The following CENPE variants were observed in gnomAD, a reference collection of about 807,000 sequenced individuals.
CENPE encodes the protein centromere-associated protein E.
A neutral mutation model predicts 336.1 loss-of-function variants in CENPE; 145 were observed. That is an observed-to-expected ratio of 0.43 (90% CI 0.38 to 0.50). CENPE has a LOEUF of 0.50. CENPE is among the 20% of genes least tolerant of loss of function. The probability of loss-of-function intolerance (pLI) is 0.00; values close to 1 mark genes in which losing one functional copy is unlikely to be tolerated. For missense variants in CENPE, 2,719 were observed against 3,023.3 expected, an observed-to-expected ratio of 0.90 and a Z score of 2.36; for synonymous variants, 1,013 against 984.8, an observed-to-expected ratio of 1.03 and a Z score of -0.54.
At position 103,109,015 on chromosome 4, in the gene CENPE, A is replaced by C; in HGVS notation, c.7799T>G (p.Val2600Gly). Residue 2600 changes from valine (V) to glycine (G), a missense_variant, in exon 48 of 49, where the codon GTA (valine) becomes GGA (glycine). Val to Gly is a moderately radical substitution (Grantham distance 109, BLOSUM62 -3). Coordinates refer to ENST00000265148, the MANE Select transcript of CENPE (RefSeq NM_001813.3). ...RTLKREAHKQVTCENSPKSPK... is the reference protein window; with the variant it reads ...RTLKREAHKQGTCENSPKSPK... ...AGACTTTGGAGAATTCTCACAAGTTACTTGTTTGTGAGCCTCTCTTTTAAG... is the reference window on the plus strand; with the variant it reads ...AGACTTTGGAGAATTCTCACAAGTTCCTTGTTTGTGAGCCTCTCTTTTAAG... The C allele has an allele frequency of 1.2e-6, 2 of 1,613,768 alleles. No homozygotes were observed. The highest frequency in any genetic ancestry group is 1.7e-6 in the Non-Finnish European group (2 of 1,179,746).
chr4:103,158,918 T>C (rs764993065), intron 22 of CENPE, 32 bp from the exon 23 acceptor site: 2 of 1,576,954 alleles, frequency 1.3e-6, no homozygotes, highest in South Asian at 1.2e-5. Context: ...TGTCACACAG[T>C]AAAAGCAGAG....
chr4:103,119,047 C>T (rs1470688541), intron 44 of CENPE, among the ~76,000 whole-genome samples: 1 of 152,118 alleles, frequency 6.6e-6, no homozygotes, highest in South Asian at 2.1e-4. Context: ...CATTCCTCAA[C>T]TCCTGTATAT....
rs1288704631 is a variant in CENPE, at chr4:103,110,961, C to T, written c.7591G>A (p.Gly2531Arg). The T allele has an allele frequency of 1.2e-6, 2 of 1,612,014 alleles. No individual in the cohort carries two copies. Among genetic ancestry groups the T allele is most frequent in the Non-Finnish European group, 1.7e-6 (2 of 1,178,944 alleles). Residue 2531 changes from glycine (G) to arginine (R), a missense_variant, in exon 47 of 49, where the codon GGA becomes AGA. Around this residue, in one of 5 missense-constraint regions of CENPE, gnomAD observed 2,437 missense variants for 2,513.3 expected, o/e 0.97. Transcript: ENST00000265148. ...TTTTGTACAATGCCGCTGCCACCTC[C>T]ACAAGTTAAGGGTTTATTTGAAGGC... Reference protein sequence around the residue: ...PQPSNKPLTCGGGSGIVQNTK... With the variant: ...PQPSNKPLTCRGGSGIVQNTK...
chr4:103,194,144 GTTC>G, intron 8 of CENPE, 82 bp downstream of exon 8: 1 of 992,970 alleles, frequency 1.0e-6, no homozygotes, highest in Non-Finnish European at 1.6e-6. Flanking sequence ...TTAGTTAACA[GTTC>G]TTATTAAACC....
chr4:103,178,561 A>G (rs559744006), intron 13 of CENPE, among the ~76,000 whole-genome samples: 1 of 152,284 alleles, frequency 6.6e-6, no homozygotes, highest in African/African-American at 2.4e-5. Context: ...TATATTCAAG[A>G]TTCCATCCAT....
In CENPE at chr4:103,132,821, T is replaced by C. The variant is rs369699262; in HGVS notation, c.6796A>G (p.Lys2266Glu). ...TCTTCCAAAAACTGTGTCATTTCTTTCCTATTACTTAGTACTTGTTGAAAT... is the reference window on the plus strand; with the variant it reads ...TCTTCCAAAAACTGTGTCATTTCTTCCCTATTACTTAGTACTTGTTGAAAT... The part of the protein sequence containing the change: ...TEFQQVLSNR[K>E]EMTQFLEEWL... Residue 2266 changes from lysine to glutamate, a missense_variant, in exon 42 of 49, where the codon AAA becomes GAA. Physicochemically the swap from Lys to Glu is moderately conservative, Grantham distance 56 (BLOSUM62 1). Coordinates refer to ENST00000265148, the MANE Select transcript of CENPE (RefSeq NM_001813.3). 2 of 1,586,334 alleles carry C rather than the reference T, an allele frequency of 1.3e-6. No individual in the cohort carries two copies. The highest frequency in any genetic ancestry group is 1.3e-5 in the African/African-American group (1 of 74,124).
Position 103,161,198 on chromosome 4 carries a change from T to C in CENPE, c.2019A>G (p.Gln673=). 6.2e-7 allele frequency: 1 copy of C among 1,611,336 alleles called. No individual in the cohort carries two copies. The highest frequency in any genetic ancestry group is 8.5e-7 in the Non-Finnish European group (1 of 1,178,984). ...TTTTCTTTTTTGCCTCCAACTGGCT[T>C]TGATATAACTGAATATCATTTTCCA... ...KQMENDIQLY[Q]SQLEAKKKMQ... Residue 673 remains glutamine (Q), a synonymous_variant, in exon 20 of 49, where the codon CAA becomes CAG. Coordinates refer to ENST00000265148, the MANE Select transcript of CENPE (RefSeq NM_001813.3).
intron 12 of CENPE, among the ~76,000 whole-genome samples, chr4:103,180,811 A>G (rs777024349): frequency 1.3e-5 from 2 of 152,200 alleles, no homozygotes; most frequent in Non-Finnish European, 2.9e-5. Context: ...AAAGATAGAG[A>G]TGTTCTCATA....
Position 103,106,043 on chromosome 4 carries a change from C to A in CENPE, c.*179G>T. 2.5e-6 allele frequency: 1 copy of A among 394,308 alleles called. No individual in the cohort carries two copies. The highest frequency in any genetic ancestry group is 4.5e-6 in the Non-Finnish European group (1 of 221,704). 24.4% of individuals were successfully genotyped at this position (394,308 alleles called of 1,614,324 possible). On this transcript the variant is annotated 3_prime_UTR_variant, in exon 49 of 49. Transcript: ENST00000265148. ...TGCAAGAAGAAGGTATTGCTATCAC[C>A]ATTCTAAATTACCACAATGCATTCA...
At position 103,140,907 on chromosome 4, in the gene CENPE, T is replaced by C. The variant is rs1275164809; in HGVS notation, c.5661A>G (p.Val1887=). 3 of 1,612,496 alleles carry C rather than the reference T, an allele frequency of 1.9e-6. No homozygotes were observed. The highest frequency in any genetic ancestry group is 3.3e-5 in the Admixed American group (2 of 59,956). The change falls in exon 36 of 49, where the codon GTA becomes GTG. Residue 1887 remains valine, a synonymous_variant. Transcript: ENST00000265148. The part of the protein sequence containing the change: ...LHENLEEMKS[V]MKERDNLRRV... ...TTCTTAGATTATCTCTTTCTTTCAT[T>C]ACAGATTTCATTTCTTCAAGGTTTT...
In CENPE at chr4:103,116,251, T is replaced by TACACACACACACACACACAC. The variant is rs58894383; in HGVS notation, c.7442+306_7442+325dup. On this transcript the variant is annotated intron_variant, in intron 45 of 48. Transcript: ENST00000265148. ...CAGAAGCCTTAGTAAAACTGCTAAA[T>TACACACACACACACACACAC]ACACACACACACACACACACACACA... 307 of 150,022 alleles carry TACACACACACACACACACAC rather than the reference T, an allele frequency of 2.0e-3. 1 individual carries two copies. Among genetic ancestry groups the TACACACACACACACACACAC allele is most frequent in the Non-Finnish European group, 3.4e-3 (230 of 68,094 alleles). The allele number at this position is 150,022 out of a possible 1,614,324, so 9.3% of individuals were successfully genotyped here. A position where few individuals can be genotyped will look rare whatever the true frequency, so the allele number is the denominator to read the frequency against.
chr4:103,137,065 T>C (rs900263637), intron 39 of CENPE, among the ~76,000 whole-genome samples: 12 of 152,314 alleles, frequency 7.9e-5, no homozygotes, highest in African/African-American at 2.9e-4. Context: ...GACAAAATTA[T>C]GTTTATAAAC....
rs200858646 is a variant in CENPE, at chr4:103,185,868, G to C, written c.694-7C>G. On this transcript the variant is annotated splice_polypyrimidine_tract_variant and splice_region_variant and intron_variant, in intron 8 of 48. Coordinates refer to ENST00000265148, the MANE Select transcript of CENPE (RefSeq NM_001813.3). ...CTGCAAGATCAACCAAATTCTGTAA[G>C]ATAGATAAAAATAAATCCTTAGGGC... The C allele has an allele frequency of 5.6e-6, 9 of 1,598,136 alleles. No homozygotes were observed. Among genetic ancestry groups the C allele is most frequent in the Non-Finnish European group, 7.7e-6 (9 of 1,169,104 alleles).
At chr4:103,185,739 C>A in intron 9 of CENPE, 71 bp downstream of exon 9, 2 of 879,648 alleles carry the variant, frequency 2.3e-6, no homozygotes, top group South Asian at 2.0e-5. Context: ...TCTAAAAATG[C>A]CTGGTAGTAC....
In CENPE at chr4:103,187,412, C is replaced by T. The variant is rs554799939; in HGVS notation, c.694-1551G>A. ...GCAGCCAGAGAGAAAGGTCAGGCTA[C>T]CCACAAAGGGAAGCCCATCAGACTA... On this transcript the variant is annotated intron_variant, in intron 8 of 48. Transcript: ENST00000265148. Among the ~76,000 whole-genome samples the T allele has an allele frequency of 1.2e-4, 19 of 152,296 alleles. No individual in the cohort carries two copies. In the South Asian group the frequency reaches 3.1e-3, roughly 25 times the overall value.
Position 103,132,783 on chromosome 4 carries a change from A to G in CENPE, c.6834T>C (p.Thr2278=), listed in dbSNP as rs1315343979. ...TTTTAAGCTTTTCTATATCAAAACG[A>G]GTATTTAACCACTCTTCCAAAAACT... ...MTQFLEEWLN[T]RFDIEKLKNG... The change falls in exon 42 of 49, where the codon ACT becomes ACC. Residue 2278 remains threonine (T), a synonymous_variant. Transcript: ENST00000265148. 14 of 1,580,576 alleles carry G rather than the reference A, an allele frequency of 8.9e-6. No individual in the cohort carries two copies. The highest frequency in any genetic ancestry group is 1.2e-5 in the Non-Finnish European group (14 of 1,155,072).
At chr4:103,197,147 C>T (rs1262824807) in intron 1 of CENPE, among the ~76,000 whole-genome samples, 1 of 152,168 alleles carries the variant, frequency 6.6e-6, no homozygotes, top group Non-Finnish European at 1.5e-5. Context: ...ATTCTTAAAA[C>T]CTTTTGGAAA....
chr4:103,195,844 A>C (rs1757691428), intron 4 of CENPE, 76 bp downstream of exon 4: 2 of 865,490 alleles, frequency 2.3e-6, no homozygotes, highest in Admixed American at 3.6e-5. Context: ...TCTTTACAAG[A>C]GAAATACACT....
intron 33 of CENPE, among the ~76,000 whole-genome samples, chr4:103,143,919 T>C (rs1485206627): frequency 1.3e-5 from 2 of 152,000 alleles, no homozygotes; most frequent in East Asian, 3.9e-4. Context: ...ACCAATTTTA[T>C]CTTATTTTAT....
Sources: allele counts gnomAD v4.1 joint callset (sites outside exome capture counted in the v4.1 genomes callset), GRCh38; gene constraint gnomAD v4.1.1; regional missense constraint gnomAD v4.1.1; transcripts MANE v1.5; gene names NCBI Gene and HGNC (gene_info 2026-07-23, HGNC 2026-07-21).